The following SPECC1L variants were observed in gnomAD, a reference collection of about 807,000 sequenced individuals.
The protein encoded by SPECC1L is cytospin-A.
SPECC1L carries 40 observed loss-of-function variants against 116.8 expected under a neutral mutation model. The observed-to-expected ratio is 0.34, with a 90% CI of 0.27 to 0.45. The LOEUF (loss-of-function observed/expected upper bound fraction) is 0.45, where lower values mean the gene tolerates loss of function less well. SPECC1L is among the 20% of genes least tolerant of loss of function. SPECC1L has a pLI of 1.00. For missense variants in SPECC1L, 1,110 were observed against 1,373.6 expected, an observed-to-expected ratio of 0.81 and a Z score of 3.03; for synonymous variants, 504 against 500.6, an observed-to-expected ratio of 1.01 and a Z score of -0.09.
At chr22:24,369,420 G>C in intron 14 of SPECC1L, 100 bp downstream of exon 14, 1 of 864,674 alleles carries the variant, frequency 1.2e-6, no homozygotes, top group South Asian at 1.4e-5. Flanking sequence ...GATAAGTCCT[G>C]ACCTGGCATG....
At chr22:24,349,561 A>G (rs1044837353) in intron 11 of SPECC1L, among the ~76,000 whole-genome samples, 1 of 152,062 alleles carries the variant, frequency 6.6e-6, no homozygotes, top group Non-Finnish European at 1.5e-5. Context: ...TCCCATTTTG[A>G]TATTGAATAT....
At chr22:24,319,302 A>G (rs2040669965) in intron 4 of SPECC1L, among the ~76,000 whole-genome samples, 1 of 152,220 alleles carries the variant, frequency 6.6e-6, no homozygotes, top group Admixed American at 6.5e-5. Flanking sequence ...TCTTCTCCAC[A>G]TAGTGGCAGG....
At position 24,363,241 on chromosome 22, in the gene SPECC1L, A is replaced by T; in HGVS notation, c.2744-20A>T. On this transcript the variant is annotated intron_variant, in intron 11 of 16. Coordinates refer to ENST00000314328, the MANE Select transcript of SPECC1L (RefSeq NM_015330.6). Reference sequence around the variant, plus strand: ...TTCAGCATCAGATTTCTTTATTGGGATTCTTTCTACTTTGTACAGAGCATC... The same window carrying T: ...TTCAGCATCAGATTTCTTTATTGGGTTTCTTTCTACTTTGTACAGAGCATC... The T allele has an allele frequency of 6.2e-7, 1 of 1,607,712 alleles. No homozygotes were observed. The highest frequency in any genetic ancestry group is 1.1e-5 in the South Asian group (1 of 90,944).
intron 3 of SPECC1L, among the ~76,000 whole-genome samples, chr22:24,305,219 TGTTGA>T (rs2049468339): frequency 5.9e-5 from 9 of 152,300 alleles, no homozygotes; most frequent in Middle Eastern, 3.4e-3. Flanking sequence ...AAAACACAGG[TGTTGA>T]GTTTAGTGAA....
intron 12 of SPECC1L, 110 bp from the exon 13 acceptor site, chr22:24,365,366 C>T: frequency 1.0e-6 from 1 of 988,526 alleles, no homozygotes; most frequent in Non-Finnish European, 1.5e-6. Flanking sequence ...ATTAGTTTTT[C>T]CTCCTGTATG....
intron 14 of SPECC1L, among the ~76,000 whole-genome samples, chr22:24,388,239 C>G (rs1014188180): frequency 1.5e-4 from 18 of 122,766 alleles, no homozygotes; most frequent in Admixed American, 2.7e-4. Flanking sequence ...CCCCTCCCCC[C>G]ACCCCACAAC....
At chr22:24,355,281 CA>C (rs751981921) in intron 11 of SPECC1L, among the ~76,000 whole-genome samples, 1,560 of 55,986 alleles carry the variant, frequency 0.028, 20 homozygotes, top group African/African-American at 0.096. Context: ...GACTCCATCT[CA>C]AAAAAAAAAA....
chr22:24,399,994 T>A (rs1338983892), intron 14 of SPECC1L, among the ~76,000 whole-genome samples: 1 of 152,238 alleles, frequency 6.6e-6, no homozygotes, highest in East Asian at 1.9e-4. Context: ...CCAGGATAAT[T>A]TAGTTGTTTA....
At position 24,413,616 on chromosome 22, in the gene SPECC1L, T is replaced by G. The variant is rs186870651; in HGVS notation, c.3264+909T>G. ...TAAATCCCTAGAAATGTGCATTTTT[T>G]AGGGTGGCCTCTGTTCACCTGTACA... is the stretch of plus-strand genomic sequence containing the variant. On this transcript the variant is annotated intron_variant, in intron 16 of 16. Transcript: ENST00000314328. 9.2e-5 allele frequency among the ~76,000 whole-genome samples: 14 copies of G among 152,352 alleles called. No homozygotes were observed. The East Asian group carries it at 2.5e-3, about 27-fold the overall frequency.
intron 2 of SPECC1L, among the ~76,000 whole-genome samples, chr22:24,291,753 A>G (rs1360961127): frequency 6.6e-6 from 1 of 152,154 alleles, no homozygotes; most frequent in Non-Finnish European, 1.5e-5. Context: ...GGTACATAGT[A>G]TTACCAGCCC....
At chr22:24,308,689 A>AT (rs201656471) in intron 3 of SPECC1L, among the ~76,000 whole-genome samples, 2 of 151,804 alleles carry the variant, frequency 1.3e-5, no homozygotes, top group Non-Finnish European at 2.9e-5. Context: ...TGGTTTTAGC[A>AT]TTTTTTTTGG....
At chr22:24,386,732 T>G (rs573301635) in intron 14 of SPECC1L, among the ~76,000 whole-genome samples, 173 of 152,104 alleles carry the variant, frequency 1.1e-3, no homozygotes, top group African/African-American at 4.0e-3. Flanking sequence ...GCCTCCCAAG[T>G]AGCTGGGACT....
chr22:24,395,657 A>G (rs62233988), intron 14 of SPECC1L, among the ~76,000 whole-genome samples: 2,974 of 152,172 alleles, frequency 0.02, 52 homozygotes, highest in African/African-American at 0.042. Context: ...TCTCTTTTTC[A>G]GACAGAATCT....
intron 2 of SPECC1L, among the ~76,000 whole-genome samples, chr22:24,282,745 G>A (rs185200021): frequency 1.3e-4 from 20 of 150,364 alleles, no homozygotes; most frequent in African/African-American, 4.9e-4. Flanking sequence ...TTCTGTTTTA[G>A]TTTACAATGT....
chr22:24,330,187 A>C, intron 7 of SPECC1L, 69 bp from the exon 8 acceptor site: 4 of 1,542,142 alleles, frequency 2.6e-6, no homozygotes, highest in African/African-American at 1.4e-5. Context: ...ATCATAAACA[A>C]ATTTTATTGC....
chr22:24,396,762 TCTG>T (rs1329359368), intron 14 of SPECC1L, among the ~76,000 whole-genome samples: 1 of 152,238 alleles, frequency 6.6e-6, no homozygotes, highest in Non-Finnish European at 1.5e-5. Context: ...CCTCTGTACT[TCTG>T]CTGCCATTGT....
chr22:24,361,666 C>T (rs988179065), intron 11 of SPECC1L, among the ~76,000 whole-genome samples: 1 of 151,798 alleles, frequency 6.6e-6, no homozygotes, highest in Non-Finnish European at 1.5e-5. Flanking sequence ...TGTGGTGGCT[C>T]ACACCTGTAG....
At chr22:24,346,097 C>G (rs2041288719) in intron 10 of SPECC1L, among the ~76,000 whole-genome samples, 1 of 151,654 alleles carries the variant, frequency 6.6e-6, no homozygotes, top group African/African-American at 2.4e-5. Context: ...ACCTCCGCCT[C>G]TCGGCTTCAA....
intron 2 of SPECC1L, among the ~76,000 whole-genome samples, chr22:24,287,045 TG>T (rs886901784): frequency 6.6e-6 from 1 of 152,070 alleles, no homozygotes; most frequent in African/African-American, 2.4e-5. Flanking sequence ...GTAAGAGGGA[TG>T]GGGGGCCAAC....
Sources: allele counts gnomAD v4.1 joint callset (sites outside exome capture counted in the v4.1 genomes callset), GRCh38; gene constraint gnomAD v4.1.1; transcripts MANE v1.5; gene names NCBI Gene and HGNC (gene_info 2026-07-23, HGNC 2026-07-21).